The following CACNA1E variants were observed in gnomAD, a reference collection of about 807,000 sequenced individuals.
The protein encoded by CACNA1E is calcium voltage-gated channel subunit alpha1 E.
A neutral mutation model predicts 259.2 loss-of-function variants in CACNA1E; 40 were observed. The observed-to-expected ratio is 0.15, with a 90% CI of 0.12 to 0.20. The LOEUF is 0.20. Among genes scored for constraint, CACNA1E ranks in the 10% least tolerant of loss-of-function variants. The pLI is 1.00. For missense variants in CACNA1E, 1,874 were observed against 3,040.1 expected (o/e 0.62, Z 9.02); for synonymous variants, 1,104 against 1,138.5 (o/e 0.97, Z 0.61).
Position 181,801,969 on chromosome 1 carries a change from A to AC in CACNA1E, c.*3139dup, listed in dbSNP as rs1662307875. On this transcript the variant is annotated 3_prime_UTR_variant, in exon 48 of 48. Coordinates refer to ENST00000367573, the MANE Select transcript of CACNA1E (RefSeq NM_001205293.3). ...GTTCTAAGTAGGTTTGCATTTAGTT[A>AC]CCCCTCATTTCACTTAAGGCTCCAG... 1 of 151,936 alleles carries AC rather than the reference A, an allele frequency of 6.6e-6. No individual in the cohort carries two copies. Among genetic ancestry groups the AC allele is most frequent in the African/African-American group, 2.4e-5 (1 of 41,408 alleles). 9.4% of individuals were successfully genotyped at this position (151,936 alleles called of 1,614,324 possible). A position where few individuals can be genotyped will look rare whatever the true frequency, so the allele number is the denominator to read the frequency against.
chr1:181,416,515 C>A (rs1459333232), intron 2 of CACNA1E, among the ~76,000 whole-genome samples: 1 of 152,194 alleles, frequency 6.6e-6, no homozygotes, highest in East Asian at 1.9e-4. Flanking sequence ...TTCACTAATA[C>A]ACTGTCTGGC....
chr1:181,373,740 T>A (rs989843936), intron 1 of CACNA1E, among the ~76,000 whole-genome samples: 1 of 152,074 alleles, frequency 6.6e-6, no homozygotes, highest in Non-Finnish European at 1.5e-5. Flanking sequence ...GGTTTCACCG[T>A]GGTCTCGATC....
intron 7 of CACNA1E, among the ~76,000 whole-genome samples, chr1:181,664,064 T>C (rs1175986629): frequency 6.6e-6 from 1 of 152,200 alleles, no homozygotes; most frequent in Non-Finnish European, 1.5e-5. Flanking sequence ...TATAAAGCAT[T>C]TCATGTGTTT....
chr1:181,690,311 C>T (rs1488254403), intron 7 of CACNA1E, among the ~76,000 whole-genome samples: 2 of 152,030 alleles, frequency 1.3e-5, no homozygotes, highest in Non-Finnish European at 2.9e-5. Flanking sequence ...TTTCTGAGGC[C>T]TCTGTTCTGT....
intron 6 of CACNA1E, among the ~76,000 whole-genome samples, chr1:181,616,786 T>A (rs1358989830): frequency 6.6e-6 from 1 of 152,004 alleles, no homozygotes; most frequent in Admixed American, 6.6e-5. Context: ...CAGAAAAAAA[T>A]TTAATGAGGT....
chr1:181,695,048 C>G (rs1267715794), intron 7 of CACNA1E, among the ~76,000 whole-genome samples: 1 of 151,938 alleles, frequency 6.6e-6, no homozygotes, highest in Non-Finnish European at 1.5e-5. Flanking sequence ...GGTCAACATA[C>G]AAAAATTAAT....
intron 6 of CACNA1E, among the ~76,000 whole-genome samples, chr1:181,608,478 A>C (rs988851903): frequency 6.6e-6 from 1 of 152,144 alleles, no homozygotes; most frequent in Admixed American, 6.5e-5. Context: ...GTTTCCACAG[A>C]GGAGATCCAT....
In CACNA1E at chr1:181,798,489, T is replaced by C; in HGVS notation, c.6597T>C (p.Ala2199=). 1 of 1,613,838 alleles carries C rather than the reference T, an allele frequency of 6.2e-7. No homozygotes were observed. Among genetic ancestry groups the C allele is most frequent in the Non-Finnish European group, 8.5e-7 (1 of 1,179,872 alleles). ...AGGGCTCCCCGCTGACCTCCCAAGCTCTGGAGAGCAACAATGCTTGCCTGA... is the reference window on the plus strand; with the variant it reads ...AGGGCTCCCCGCTGACCTCCCAAGCCCTGGAGAGCAACAATGCTTGCCTGA... ...SEEGSPLTSQ[A]LESNNACLTE... is the part of the protein sequence containing the mutation. The change falls in exon 48 of 48, where the codon GCT becomes GCC. Residue 2199 remains alanine, a synonymous_variant. Transcript: ENST00000367573. This position sits in a 1 kb window ranked among gnomAD's most constrained non-coding sequence, Gnocchi z 4.2.
intron 32 of CACNA1E, among the ~76,000 whole-genome samples, chr1:181,761,213 T>C (rs1658551211): frequency 6.6e-6 from 1 of 152,246 alleles, no homozygotes; most frequent in African/African-American, 2.4e-5. Flanking sequence ...TTGTTGTATG[T>C]ATCCAATTAA....
chr1:181,662,618 G>A (rs1647799005), intron 7 of CACNA1E, among the ~76,000 whole-genome samples: 2 of 152,278 alleles, frequency 1.3e-5, no homozygotes, highest in South Asian at 4.1e-4. Context: ...TACATGTTAA[G>A]TGTTTAATAC....
chr1:181,639,571 C>T (rs1186340572), intron 6 of CACNA1E, among the ~76,000 whole-genome samples: 2 of 152,222 alleles, frequency 1.3e-5, no homozygotes, highest in South Asian at 2.1e-4. Flanking sequence ...TACGTGCATT[C>T]TTGTGTTGCT....
intron 6 of CACNA1E, among the ~76,000 whole-genome samples, chr1:181,588,214 C>T (rs920765091): frequency 2.0e-5 from 3 of 152,226 alleles, no homozygotes; most frequent in African/African-American, 7.2e-5. Flanking sequence ...TGAAACCCAC[C>T]AGGCCCGCCC....
At position 181,358,026 on chromosome 1, in the gene CACNA1E, T is replaced by A. The variant is rs115177995; in HGVS notation, c.-15+39903T>A. ...GTTCTGTCTGTCAGAAAGTGGGAGG[T>A]TTGGTCCTCTTCTAGTGTCAGGGGA... On this transcript the variant is annotated intron_variant, in intron 1 of 11. Coordinates refer to the CACNA1E transcript ENST00000524607. 1.0e-3 allele frequency among the ~76,000 whole-genome samples: 158 copies of A among 151,936 alleles called. 1 individual carries two copies. The highest frequency in any genetic ancestry group is 3.4e-3 in the Middle Eastern group (1 of 294).
chr1:181,566,431 C>T (rs553904351), intron 3 of CACNA1E, among the ~76,000 whole-genome samples: 2 of 152,246 alleles, frequency 1.3e-5, no homozygotes, highest in East Asian at 3.9e-4. Context: ...AGTTTTTCTC[C>T]ATCTCTTGGC....
Position 181,798,847 on chromosome 1 carries a change from C to G in CACNA1E, c.*13C>G, listed in dbSNP as rs144714729. On this transcript the variant is annotated 3_prime_UTR_variant, in exon 48 of 48. Transcript: ENST00000367573. The surrounding 1 kb of genome is among the most constrained non-coding windows in gnomAD (Gnocchi z 4.2). ...TGACAAATGCTAGAGGCTGCTCCCC[C>G]CTCCGATGCATGCTCTTCTCTCACA... The G allele has an allele frequency of 1.9e-5, 29 of 1,497,850 alleles. No individual in the cohort carries two copies. The highest frequency in any genetic ancestry group is 9.7e-5 in the African/African-American group (7 of 72,012). 92.8% of individuals were successfully genotyped at this position (1,497,850 alleles called of 1,614,324 possible).
chr1:181,704,876 G>A (rs923748308), intron 7 of CACNA1E, among the ~76,000 whole-genome samples: 2 of 152,180 alleles, frequency 1.3e-5, no homozygotes, highest in South Asian at 4.2e-4. Context: ...TACCCCAGCC[G>A]ACCTACCAGA....
rs191981943 is a variant in CACNA1E at position 181,609,290 on chromosome 1, C to T, written c.951+28514C>T. The stretch of plus-strand genomic sequence containing the variant: ...AAATAAAACATAACTGCAGGGAAGG[C>T]GGGCCCTAGACAAAGAATGGCAGTG... On this transcript the variant is annotated intron_variant, in intron 6 of 47. Coordinates refer to ENST00000367573, the MANE Select transcript of CACNA1E (RefSeq NM_001205293.3). Among the ~76,000 whole-genome samples, 60 of 152,320 alleles carry T rather than the reference C, an allele frequency of 3.9e-4. 1 individual carries two copies. Among genetic ancestry groups the T allele is most frequent in the Admixed American group, 1.8e-3 (27 of 15,308 alleles).
chr1:181,580,287 C>T lies in CACNA1E; in HGVS notation c.770-308C>T, dbSNP rs115292506. ...ACTTTGCCTTTTCCTCAAAGTGTGC[C>T]GTGTGATTCAGTCCTCTTAATTCCT... On this transcript the variant is annotated intron_variant, in intron 5 of 47. Transcript: ENST00000367573. 3.3e-3 allele frequency among the ~76,000 whole-genome samples: 496 copies of T among 152,180 alleles called. 7 individuals are homozygous for T. Among genetic ancestry groups the T allele is most frequent in the African/African-American group, 0.01 (416 of 41,498 alleles).
intron 2 of CACNA1E, among the ~76,000 whole-genome samples, chr1:181,444,079 G>A (rs1045167630): frequency 1.3e-5 from 2 of 152,126 alleles, no homozygotes; most frequent in Admixed American, 1.3e-4. Flanking sequence ...TCCAGGATTG[G>A]TTCATCTATT....
Sources: gnomAD v4.1 joint callset for allele counts (sites outside exome capture counted in the v4.1 genomes callset) on GRCh38, gnomAD v4.1.1 for gene constraint, Gnocchi (gnomAD v3.1) non-coding constraint, MANE v1.5 for transcripts, NCBI Gene and HGNC (gene_info 2026-07-23, HGNC 2026-07-21) for gene names.